ADAMTS14: variants seen among roughly 807,000 people sequenced by gnomAD.
ADAMTS14 encodes ADAM metallopeptidase with thrombospondin type 1 motif 14, also known as A disintegrin and metalloproteinase with thrombospondin motifs 14.
Under a neutral mutation model 128.6 loss-of-function variants are expected in ADAMTS14, and 100 were observed. The ratio of observed to expected loss-of-function variants is 0.78; its 90% CI spans 0.66 to 0.92. ADAMTS14 has a LOEUF of 0.92. Ranked by LOEUF, ADAMTS14 falls within the 40% of genes least tolerant of loss-of-function variation. The pLI, the probability that ADAMTS14 is intolerant of heterozygous loss-of-function variation, is 0.00. For missense variants in ADAMTS14, 1,562 were observed against 1,658.6 expected (o/e 0.94, Z 1.01); for synonymous variants, 665 against 653.8 (o/e 1.02, Z -0.26).
At chr10:70,734,964 C>A (rs956485230) in intron 8 of ADAMTS14, among the ~76,000 whole-genome samples, 1 of 152,238 alleles carries the variant, frequency 6.6e-6, no homozygotes, top group African/African-American at 2.4e-5. Context: ...TGGAGCCCTT[C>A]CAGATATAGT....
chr10:70,742,651 G>A (rs1383245240), intron 12 of ADAMTS14, among the ~76,000 whole-genome samples: 1 of 152,210 alleles, frequency 6.6e-6, no homozygotes, highest in African/African-American at 2.4e-5. Flanking sequence ...CCACAGCGTT[G>A]GGGAGAGGAG....
chr10:70,760,357 C>T lies in ADAMTS14; in HGVS notation c.3179-3C>T. On this transcript the variant is annotated splice_polypyrimidine_tract_variant and splice_region_variant and intron_variant, in intron 21 of 21. Transcript: ENST00000373207. ...CATCCTTGTCCTTGTGCTGTGTGTG[C>T]AGCGGAGCCCTGCACGGGAGACAGG... 6.4e-7 allele frequency: 1 copy of T among 1,550,602 alleles called. No homozygotes were observed. Among genetic ancestry groups the T allele is most frequent in the Non-Finnish European group, 8.7e-7 (1 of 1,148,406 alleles).
Position 70,743,544 on chromosome 10 carries a change from A to G in ADAMTS14, c.1925-4A>G. On this transcript the variant is annotated splice_polypyrimidine_tract_variant and splice_region_variant and intron_variant, in intron 12 of 21. Coordinates refer to ENST00000373207, the MANE Select transcript of ADAMTS14 (RefSeq NM_080722.4). ...GGGACTCAGCATAGTCCCTCTCCCT[A>G]CAGACGCCCAGAAGTGTGAGCTGAT... 1 of 1,612,040 alleles carries G rather than the reference A, an allele frequency of 6.2e-7. No homozygotes were observed. The highest frequency in any genetic ancestry group is 8.5e-7 in the Non-Finnish European group (1 of 1,179,392).
At chr10:70,720,451 T>C (rs1841220039) in intron 4 of ADAMTS14, among the ~76,000 whole-genome samples, 2 of 152,172 alleles carry the variant, frequency 1.3e-5, no homozygotes, top group Admixed American at 6.5e-5. Flanking sequence ...TATCTGACCA[T>C]CATGGAGCCT....
intron 10 of ADAMTS14, 109 bp from the exon 11 acceptor site, chr10:70,738,733 G>A (rs1841902931): frequency 1.4e-6 from 2 of 1,474,018 alleles, no homozygotes; most frequent in South Asian, 1.2e-5. Flanking sequence ...CTAGGGGTGG[G>A]ATTCTGCCTA....
intron 4 of ADAMTS14, among the ~76,000 whole-genome samples, chr10:70,727,965 G>A (rs978010751): frequency 3.9e-5 from 6 of 152,116 alleles, no homozygotes. Context: ...GTGTGGTGGC[G>A]GGTGCCTGTA....
intron 13 of ADAMTS14, among the ~76,000 whole-genome samples, 154 bp from the exon 14 acceptor site, chr10:70,743,912 G>T (rs557406566): frequency 3.3e-5 from 5 of 152,298 alleles, no homozygotes; most frequent in Non-Finnish European, 5.9e-5. Context: ...ACCTCACCCA[G>T]GTCCCACGGT....
intron 2 of ADAMTS14, among the ~76,000 whole-genome samples, chr10:70,682,401 C>G (rs970043147): frequency 2.6e-5 from 4 of 152,180 alleles, no homozygotes; most frequent in Admixed American, 1.3e-4. Context: ...AGCTGGAGGC[C>G]TTGGGTTGCT....
At chr10:70,695,801 C>T (rs1046321761) in intron 2 of ADAMTS14, among the ~76,000 whole-genome samples, 1 of 152,170 alleles carries the variant, frequency 6.6e-6, no homozygotes, top group African/African-American at 2.4e-5. Flanking sequence ...GGAGCCAGGG[C>T]TGGGGATATA....
intron 2 of ADAMTS14, among the ~76,000 whole-genome samples, chr10:70,687,230 C>T (rs1234570982): frequency 0.022 from 812 of 37,136 alleles, no homozygotes; most frequent in Admixed American, 0.032. Context: ...GCTGGCTGGG[C>T]GGGGGGCTGA....
Position 70,760,581 on chromosome 10 carries a change from C to T in ADAMTS14, c.3400C>T (p.Pro1134Ser), listed in dbSNP as rs751182633. The change falls in exon 22 of 22, where the codon CCT (proline) becomes TCT (serine). Residue 1134 changes from proline to serine, a missense_variant. By Grantham distance (74) the Pro-to-Ser change is moderately conservative. Transcript: ENST00000373207. ...PQDPADAAEP[P>S]GKPTGSEDHQ... ...GGACCCTGCAGATGCTGCAGAGCCT[C>T]CTGGAAAGCCAACGGGATCAGAGGA... is the stretch of plus-strand genomic sequence containing the variant. The T allele has an allele frequency of 6.2e-7, 1 of 1,613,902 alleles. No individual in the cohort carries two copies. Among genetic ancestry groups the T allele is most frequent in the Admixed American group, 1.7e-5 (1 of 60,018 alleles).
At chr10:70,688,949 G>T (rs1840103445) in intron 2 of ADAMTS14, among the ~76,000 whole-genome samples, 1 of 142,470 alleles carries the variant, frequency 7.0e-6, no homozygotes, top group African/African-American at 2.6e-5. Flanking sequence ...CCTTTGGTCT[G>T]TCCAGAAACA....
chr10:70,746,726 G>A (rs907635278), intron 15 of ADAMTS14, among the ~76,000 whole-genome samples: 11 of 152,122 alleles, frequency 7.2e-5, no homozygotes, highest in African/African-American at 2.2e-4. Context: ...AGGCAGGAGC[G>A]TCTCAAAAAA....
At chr10:70,682,597 T>C (rs1319098960) in intron 2 of ADAMTS14, among the ~76,000 whole-genome samples, 1 of 152,192 alleles carries the variant, frequency 6.6e-6, no homozygotes, top group Admixed American at 6.5e-5. Flanking sequence ...TTGTCATGTG[T>C]GTAAAGGGTT....
At chr10:70,706,050 C>T (rs1422472797) in intron 3 of ADAMTS14, among the ~76,000 whole-genome samples, 1 of 152,212 alleles carries the variant, frequency 6.6e-6, no homozygotes, top group Non-Finnish European at 1.5e-5. Context: ...TTGGATGGCT[C>T]ATGGCAGCTT....
intron 2 of ADAMTS14, among the ~76,000 whole-genome samples, chr10:70,694,740 T>G (rs1840285109): frequency 6.6e-6 from 1 of 152,214 alleles, no homozygotes; most frequent in Non-Finnish European, 1.5e-5. Flanking sequence ...AAAATAATAT[T>G]TCATTGTATG....
chr10:70,731,394 T>C (rs1182795819), intron 6 of ADAMTS14, among the ~76,000 whole-genome samples: 3 of 152,226 alleles, frequency 2.0e-5, no homozygotes, highest in African/African-American at 2.4e-5. Context: ...CCCCAAACCA[T>C]GTCAAATAAA....
Position 70,716,096 on chromosome 10 carries a change from C to T in ADAMTS14, c.870+7318C>T, listed in dbSNP as rs538452517. ...TCAGTTTCCACTGAAGACTGGGCCC[C>T]GAGGGCCTGCCTTGGTGACTGCTGT... is the stretch of plus-strand genomic sequence containing the variant. On this transcript the variant is annotated intron_variant, in intron 4 of 21. Transcript: ENST00000373207. Among the ~76,000 whole-genome samples the T allele has an allele frequency of 9.7e-4, 148 of 152,358 alleles. 1 individual carries two copies. The highest frequency in any genetic ancestry group is 3.3e-3 in the African/African-American group (138 of 41,590).
At chr10:70,681,400 G>A (rs1012699792) in intron 2 of ADAMTS14, among the ~76,000 whole-genome samples, 39 of 152,180 alleles carry the variant, frequency 2.6e-4, no homozygotes, top group African/African-American at 8.9e-4. Context: ...GAAATGGCAG[G>A]TCATTTCAGC....
Sources: allele counts gnomAD v4.1 joint callset (sites outside exome capture counted in the v4.1 genomes callset), GRCh38; gene constraint gnomAD v4.1.1; transcripts MANE v1.5; gene names NCBI Gene and HGNC (gene_info 2026-07-23, HGNC 2026-07-21).